Variants in ADGB observed in about 807,000 individuals in gnomAD.
ADGB encodes calpain-7-like protein.
A neutral mutation model predicts 210.5 loss-of-function variants in ADGB; 172 were observed. That is an observed-to-expected ratio of 0.82 (90% CI 0.72 to 0.93). ADGB has a LOEUF of 0.93. ADGB is among the 40% of genes least tolerant of loss of function. The pLI is 0.00. For missense variants in ADGB, 2,025 were observed against 1,964.8 expected (o/e 1.03, Z -0.58); for synonymous variants, 658 against 662.7 (o/e 0.99, Z 0.11).
intron 1 of ADGB, 79 bp downstream of exon 1, chr6:146,599,193 C>A: frequency 8.3e-6 from 11 of 1,332,404 alleles, no homozygotes; most frequent in Non-Finnish European, 1.2e-5. Flanking sequence ...TGCCTCCCTG[C>A]AGCAAACTGT....
intron 9 of ADGB, among the ~76,000 whole-genome samples, chr6:146,684,422 C>T (rs1776195041): frequency 6.6e-6 from 1 of 152,028 alleles, no homozygotes; most frequent in South Asian, 2.1e-4. Context: ...TATTGGAGGG[C>T]TTCAATTAGA....
At position 146,691,463 on chromosome 6, in the gene ADGB, T is replaced by TATATATATAA. The variant is rs1562275617; in HGVS notation, c.1486+182_1486+183insAATATATATA. Among the ~76,000 whole-genome samples the TATATATATAA allele has an allele frequency of 2.4e-3, 37 of 15,372 alleles. 2 individuals carry two copies. Among genetic ancestry groups the TATATATATAA allele is most frequent in the African/African-American group, 7.6e-3 (15 of 1,986 alleles). The allele number at this position is 15,372 out of a possible 152,430, so 10.1% of individuals were successfully genotyped here. A position where few individuals can be genotyped will look rare whatever the true frequency, so the allele number is the denominator to read the frequency against. On this transcript the variant is annotated intron_variant, in intron 11 of 35. Transcript: ENST00000397944. ...ATATAAAAATATATATATATAAAAATATATATATATATAAATATATATATA... is the reference window on the plus strand; with the variant it reads ...ATATAAAAATATATATATATAAAAATATATATATAAATATATATATATAAATATATATATA...
At chr6:146,669,363 T>C (rs1437581436) in intron 7 of ADGB, among the ~76,000 whole-genome samples, 2 of 152,056 alleles carry the variant, frequency 1.3e-5, no homozygotes, top group African/African-American at 4.8e-5. Flanking sequence ...AAAAAAATCT[T>C]AATAAATGAG....
intron 33 of ADGB, among the ~76,000 whole-genome samples, chr6:146,795,035 G>T (rs956454728): frequency 1.3e-5 from 2 of 152,116 alleles, no homozygotes; most frequent in Admixed American, 6.6e-5. Flanking sequence ...TGACCCATTG[G>T]TGACCCCAAG....
chr6:146,628,215 A>G (rs1010494578), intron 1 of ADGB, among the ~76,000 whole-genome samples: 4 of 151,802 alleles, frequency 2.6e-5, no homozygotes, highest in African/African-American at 9.7e-5. Flanking sequence ...TATAATTGAC[A>G]TTGTATATTA....
intron 1 of ADGB, among the ~76,000 whole-genome samples, chr6:146,611,158 T>C (rs1277642503): frequency 1.3e-5 from 2 of 151,894 alleles, no homozygotes; most frequent in African/African-American, 2.4e-5. Flanking sequence ...TTTTGGTGAA[T>C]GAGCTATGGA....
Position 146,788,676 on chromosome 6 carries a change from A to G in ADGB, c.4537+66A>G. On this transcript the variant is annotated intron_variant, in intron 33 of 35. Transcript: ENST00000397944. The stretch of plus-strand genomic sequence containing the variant: ...AAATAAAAATTATGGAAAAGATTTT[A>G]ACTTAAACATCAGTGACGGCTAGGG... 5 of 1,418,332 alleles carry G rather than the reference A, an allele frequency of 3.5e-6. No homozygotes were observed. The South Asian group carries it at 6.2e-5, about 18-fold the overall frequency. The allele number at this position is 1,418,332 out of a possible 1,614,324, so 87.9% of individuals were successfully genotyped here. A position where few individuals can be genotyped will look rare whatever the true frequency, so the allele number is the denominator to read the frequency against.
Position 146,741,228 on chromosome 6 carries a change from A to G in ADGB, c.3134A>G (p.Lys1045Arg), listed in dbSNP as rs1777159913. The change falls in exon 25 of 36, where the codon AAG (lysine) becomes AGG (arginine). Residue 1045 changes from lysine to arginine, a missense_variant. Transcript: ENST00000397944. Reference protein sequence around the residue: ...VNNDTMEQVPKVFQKVVPYLY... With the variant: ...VNNDTMEQVPRVFQKVVPYLY... Reference sequence around the variant, plus strand: ...AATGACACAATGGAGCAAGTGCCAAAGGTGTTCCAAAAAGTGGTGCCTTAT... The same window carrying G: ...AATGACACAATGGAGCAAGTGCCAAGGGTGTTCCAAAAAGTGGTGCCTTAT... 8.4e-6 allele frequency: 13 copies of G among 1,551,154 alleles called. No homozygotes were observed. The highest frequency in any genetic ancestry group is 1.1e-5 in the Non-Finnish European group (13 of 1,146,650).
intron 5 of ADGB, 87 bp downstream of exon 5, chr6:146,657,067 C>A: frequency 8.0e-7 from 1 of 1,246,446 alleles, no homozygotes; most frequent in Non-Finnish European, 1.1e-6. Flanking sequence ...TGCCTGTAAT[C>A]GCAGCACTTT....
chr6:146,652,370 G>T lies in ADGB; in HGVS notation c.331-1765G>T, dbSNP rs576166083. Among the ~76,000 whole-genome samples, 10 of 152,218 alleles carry T rather than the reference G, an allele frequency of 6.6e-5. No individual in the cohort carries two copies. The South Asian group carries it at 2.1e-3, about 32-fold the overall frequency. Reference sequence around the variant, plus strand: ...AAACTATGTTTATAATTTATGATCTGCAGAGTCAATTCAAGCCTTTAAGGT... The same window carrying T: ...AAACTATGTTTATAATTTATGATCTTCAGAGTCAATTCAAGCCTTTAAGGT... On this transcript the variant is annotated intron_variant, in intron 3 of 35. Transcript: ENST00000397944.
chr6:146,705,309 T>C (rs540413668), intron 13 of ADGB, among the ~76,000 whole-genome samples: 69 of 152,224 alleles, frequency 4.5e-4, no homozygotes, highest in African/African-American at 1.6e-3. Context: ...GCTAGGACTT[T>C]AGGTGATATG....
At chr6:146,779,062 GAA>G (rs376129193) in intron 29 of ADGB, among the ~76,000 whole-genome samples, 5 of 125,318 alleles carry the variant, frequency 4.0e-5, no homozygotes, top group Admixed American at 8.2e-5. Flanking sequence ...AGTAGCTTTG[GAA>G]AAAAAAAAAA....
In ADGB at chr6:146,699,147, C is replaced by A. The variant is rs565599664; in HGVS notation, c.1578-1794C>A. The stretch of plus-strand genomic sequence containing the variant: ...ATCGACATAGATATAGATAAAGATA[C>A]AAATATAGATATATGACAGGAGGTT... On this transcript the variant is annotated intron_variant, in intron 12 of 35. Transcript: ENST00000397944. Among the ~76,000 whole-genome samples the A allele has an allele frequency of 3.3e-5, 5 of 152,106 alleles. No individual in the cohort carries two copies. In the South Asian group the frequency reaches 1.0e-3, roughly 32 times the overall value.
intron 9 of ADGB, among the ~76,000 whole-genome samples, chr6:146,681,384 C>T (rs1562272959): frequency 6.6e-6 from 1 of 152,122 alleles, no homozygotes; most frequent in Admixed American, 6.6e-5. Context: ...GATACCAGAT[C>T]TAGGCTTCCT....
chr6:146,622,387 G>T (rs1039310981), intron 1 of ADGB, among the ~76,000 whole-genome samples: 2 of 150,486 alleles, frequency 1.3e-5, no homozygotes, highest in East Asian at 2.0e-4. Flanking sequence ...GCTCATTTAC[G>T]TTTTTATGAC....
At chr6:146,802,877 T>G in intron 35 of ADGB, 1 of 1,610,444 alleles carries the variant, frequency 6.2e-7, no homozygotes, top group Non-Finnish European at 8.5e-7. Context: ...ATGGTTTTCC[T>G]GTTCCCATAA....
chr6:146,733,948 T>C lies in ADGB; in HGVS notation c.2712T>C (p.Ala904=). The part of the protein sequence containing the change: ...CMPTSDKEYS[A]EEVAAAIKIQ... ...CCACAAGTGATAAAGAGTATTCTGC[T>C]GAGGAAGTAGCAGCAGCAATTAAAA... The change falls in exon 22 of 36, where the codon GCT becomes GCC. Residue 904 remains alanine (A), a synonymous_variant. Transcript: ENST00000397944. 2 of 1,551,680 alleles carry C rather than the reference T, an allele frequency of 1.3e-6. No homozygotes were observed. Among genetic ancestry groups the C allele is most frequent in the Non-Finnish European group, 1.7e-6 (2 of 1,146,966 alleles).
intron 1 of ADGB, among the ~76,000 whole-genome samples, chr6:146,604,098 C>T (rs149554545): frequency 3.6e-4 from 55 of 152,270 alleles, no homozygotes; most frequent in African/African-American, 1.3e-3. Context: ...CCCCAGGTGA[C>T]CTGTGTGGAG....
chr6:146,632,760 T>A (rs1393687312), intron 1 of ADGB, among the ~76,000 whole-genome samples: 2 of 152,150 alleles, frequency 1.3e-5, no homozygotes, highest in African/African-American at 2.4e-5. Flanking sequence ...TCCCTGACTT[T>A]CCCTGAGGAC....
Sources: gnomAD v4.1 joint callset for allele counts (sites outside exome capture counted in the v4.1 genomes callset) on GRCh38, gnomAD v4.1.1 for gene constraint, MANE v1.5 for transcripts, NCBI Gene and HGNC (gene_info 2026-07-23, HGNC 2026-07-21) for gene names.